PLCH2: variants seen among roughly 807,000 people sequenced by gnomAD.
PLCH2 encodes the protein 1-phosphatidylinositol 4,5-bisphosphate phosphodiesterase eta-2.
PLCH2 carries 98 observed loss-of-function variants against 134.7 expected under a neutral mutation model. The ratio of observed to expected loss-of-function variants is 0.73; its 90% confidence interval spans 0.62 to 0.86. The LOEUF is 0.86. Among genes scored for constraint, PLCH2 ranks in the 40% least tolerant of loss-of-function variants. PLCH2 has a pLI of 0.00. For synonymous variants in PLCH2, 974 were observed against 827.5 expected (o/e 1.18, Z -3.04); for missense variants, 1,994 against 1,986.6 (o/e 1.00, Z -0.07).
At chr1:2,481,318 GC>G (rs1641958536) in intron 4 of PLCH2, among the ~76,000 whole-genome samples, 1 of 152,252 alleles carries the variant, frequency 6.6e-6, no homozygotes, top group Admixed American at 6.5e-5. Context: ...GCTTGTGAAG[GC>G]CCCAGTGGGG....
At position 2,451,555 on chromosome 1, in the gene PLCH2, C is replaced by T. The variant is rs781279517; in HGVS notation, c.115+20926C>T. ...GGGCCACCGTGAGGCCAGAGAGCCG[C>T]GACCCACCAACATGTCCTATCACCG... On this transcript the variant is annotated intron_variant, in intron 2 of 3. Coordinates refer to the PLCH2 transcript ENST00000609981. Among the ~76,000 whole-genome samples the T allele has an allele frequency of 8.5e-5, 13 of 152,146 alleles. No individual in the cohort carries two copies. The East Asian group carries it at 1.7e-3, about 20-fold the overall frequency.
chr1:2,438,565 G>A (rs539628960), intron 2 of PLCH2, among the ~76,000 whole-genome samples: 6 of 152,286 alleles, frequency 3.9e-5, no homozygotes, highest in African/African-American at 1.4e-4. Flanking sequence ...CTGGGTGTGG[G>A]TGCCCACAGG....
rs2100519614 is a variant in PLCH2 at position 2,439,367 on chromosome 1, C to G, written c.115+8738C>G. On this transcript the variant is annotated intron_variant, in intron 2 of 3. Transcript: ENST00000609981. This position sits in a 1 kb window ranked among gnomAD's most constrained non-coding sequence, Gnocchi z 4.7. Reference sequence around the variant, plus strand: ...CCCCAGTGCTGGCCAGACCTGGTCCCCGACCCCAGGGCTGCCCCCGGGTTC... The same window carrying G: ...CCCCAGTGCTGGCCAGACCTGGTCCGCGACCCCAGGGCTGCCCCCGGGTTC... Among the ~76,000 whole-genome samples the G allele has an allele frequency of 6.6e-6, 1 of 152,176 alleles. No individual in the cohort carries two copies. Among genetic ancestry groups the G allele is most frequent in the East Asian group, 1.9e-4 (1 of 5,134 alleles).
intron 6 of PLCH2, 60 bp from the exon 7 acceptor site, chr1:2,487,113 T>C (rs1642327451): frequency 6.6e-7 from 1 of 1,508,928 alleles, no homozygotes; most frequent in South Asian, 1.2e-5. Flanking sequence ...TGGGGGCAGG[T>C]GGTCATGAGA....
In PLCH2 at chr1:2,504,994, C is replaced by T. The variant is rs764591631; in HGVS notation, c.4032C>T (p.Ser1344=). Residue 1344 remains serine, a synonymous_variant, in exon 22 of 22, where the codon AGC becomes AGT. Coordinates refer to ENST00000378486, the MANE Select transcript of PLCH2 (RefSeq NM_014638.4). The part of the protein sequence containing the change: ...FVRRSSSRSH[S]RVRAIASRAR... ...GGCGCTCCTCCTCCCGCAGCCACAG[C>T]CGCGTGCGTGCCATTGCCAGCCGGG... 5 of 1,547,606 alleles carry T rather than the reference C, an allele frequency of 3.2e-6. No homozygotes were observed. In the African/African-American group the frequency reaches 6.8e-5, roughly 21 times the overall value.
At position 2,498,539 on chromosome 1, in the gene PLCH2, C is replaced by T. The variant is rs1457991847; in HGVS notation, c.2241C>T (p.Asn747=). 7 of 1,607,920 alleles carry T rather than the reference C, an allele frequency of 4.4e-6. No individual in the cohort carries two copies. The highest frequency in any genetic ancestry group is 2.7e-5 in the African/African-American group (2 of 74,814). The change falls in exon 17 of 22, where the codon AAC becomes AAT. Residue 747 remains asparagine (N), a synonymous_variant. Coordinates refer to ENST00000378486, the MANE Select transcript of PLCH2 (RefSeq NM_014638.4). The surrounding 1 kb of genome is among the most constrained non-coding windows in gnomAD (Gnocchi z 5.4). ...GCMCQGVFNP[N]SEDPLPGQLK... ...TCCCCTCAGGCGTGTTCAACCCCAA[C>T]TCGGAGGACCCCCTGCCCGGGCAGC...
At chr1:2,428,863 G>T (rs1638931584) in intron 1 of PLCH2, among the ~76,000 whole-genome samples, 1 of 152,272 alleles carries the variant, frequency 6.6e-6, no homozygotes, top group Non-Finnish European at 1.5e-5. Flanking sequence ...GCGGTGAGAG[G>T]CTCCGGAGAG....
chr1:2,436,966 T>C (rs1362636112), intron 2 of PLCH2, among the ~76,000 whole-genome samples: 1 of 151,860 alleles, frequency 6.6e-6, no homozygotes, highest in Non-Finnish European at 1.5e-5. Flanking sequence ...GCACCTTGGG[T>C]GGGGGTGAGC....
chr1:2,432,523 C>T (rs1253034084), intron 2 of PLCH2, among the ~76,000 whole-genome samples: 2 of 152,194 alleles, frequency 1.3e-5, no homozygotes, highest in Non-Finnish European at 2.9e-5. Context: ...CTGGGGCTAA[C>T]GGGTGGGGGA....
At position 2,484,949 on chromosome 1, in the gene PLCH2, C is replaced by T. The variant is rs116318677; in HGVS notation, c.816+331C>T. On this transcript the variant is annotated intron_variant, in intron 5 of 21. Transcript: ENST00000378486. ...CTTGGTCCTGACTGTGAACACCCTG[C>T]GCCTCCCACAGCTTGACCATGCCTC... 8.8e-3 allele frequency among the ~76,000 whole-genome samples: 1,334 copies of T among 152,254 alleles called. 12 individuals are homozygous for T. The highest frequency in any genetic ancestry group is 0.03 in the African/African-American group (1,262 of 41,524).
chr1:2,420,476 TCCC>T, the PLCH2 span, among the ~76,000 whole-genome samples: 3 of 152,076 alleles, frequency 2.0e-5, no homozygotes, highest in Admixed American at 2.0e-4. Context: ...AACGGTTATG[TCCC>T]GGTAGGTAGG....
chr1:2,419,405 A>G, the PLCH2 span, among the ~76,000 whole-genome samples: 4 of 152,094 alleles, frequency 2.6e-5, no homozygotes, highest in East Asian at 1.9e-4. Flanking sequence ...TGAAGAGACA[A>G]TAATTGTCCA....
At chr1:2,472,578 G>A (rs921516570), upstream of PLCH2, among the ~76,000 whole-genome samples, 1 of 152,350 alleles carries the variant, frequency 6.6e-6, no homozygotes, top group South Asian at 2.1e-4. Context: ...GCCCTGGAGG[G>A]TGGGTAGGCT....
At chr1:2,459,347 GGTGGTTCTCCTTC>G (rs1251898796) in intron 2 of PLCH2, among the ~76,000 whole-genome samples, 2 of 151,090 alleles carry the variant, frequency 1.3e-5, no homozygotes, top group African/African-American at 2.4e-5. Context: ...CCTCCTTCCT[GGTGGTTCTCCTTC>G]CTGGTGGTCC....
At chr1:2,464,375 G>A (rs1211019956), upstream of PLCH2, among the ~76,000 whole-genome samples, 4 of 152,336 alleles carry the variant, frequency 2.6e-5, no homozygotes, top group East Asian at 5.8e-4. Flanking sequence ...CAATCCTGAC[G>A]CAGGCTGGTG....
rs7512269 is a variant in PLCH2 at position 2,487,186 on chromosome 1, C to T, written c.924C>T (p.Tyr308=). The stretch of plus-strand genomic sequence containing the variant: ...GCCGTCCTGCAGGCTTCACCAACTA[C>T]ACCAGGAGCCCTGCTGGTGACATCT... ...GLLGIDGFTN[Y]TRSPAGDIFN... The change falls in exon 7 of 22, where the codon TAC becomes TAT. Residue 308 remains tyrosine, a synonymous_variant. Transcript: ENST00000378486. The T allele has an allele frequency of 0.12, 185,907 of 1,570,170 alleles. 11,538 individuals are homozygous for T. Among genetic ancestry groups the T allele is most frequent in the Admixed American group, 0.19 (10,030 of 53,114 alleles).
At chr1:2,436,353 T>C (rs1352626385) in intron 2 of PLCH2, among the ~76,000 whole-genome samples, 1 of 44,298 alleles carries the variant, frequency 2.3e-5, no homozygotes, top group Non-Finnish European at 5.0e-5. Flanking sequence ...CTTTCCTCCC[T>C]TCCTCCCTCC....
chr1:2,425,834 G>C (rs1017287314), upstream of PLCH2: 1 of 152,016 alleles, frequency 6.6e-6, no homozygotes, highest in Non-Finnish European at 1.5e-5. Flanking sequence ...ATGCATTTTT[G>C]AGGAAATACC....
chr1:2,453,756 C>T (rs375600924), intron 2 of PLCH2, among the ~76,000 whole-genome samples: 60 of 152,332 alleles, frequency 3.9e-4, no homozygotes, highest in African/African-American at 1.4e-3. Flanking sequence ...CCCCTGGACA[C>T]CCTCTCCTGA....
Sources: gnomAD v4.1 joint callset for allele counts (sites outside exome capture counted in the v4.1 genomes callset) on GRCh38, gnomAD v4.1.1 for gene constraint, Gnocchi (gnomAD v3.1) non-coding constraint, MANE v1.5 for transcripts, NCBI Gene and HGNC (gene_info 2026-07-23, HGNC 2026-07-21) for gene names.